Variants in KDM6A observed in about 807,000 individuals in gnomAD.
KDM6A encodes lysine-specific demethylase 6A.
A neutral mutation model predicts 117.6 loss-of-function variants in KDM6A; 11 were observed. That is an observed-to-expected ratio of 0.09 (90% CI 0.06 to 0.15). KDM6A has a LOEUF of 0.15. Among genes scored for constraint, KDM6A ranks in the 10% least tolerant of loss-of-function variants. The pLI is 1.00. For missense variants in KDM6A, 799 were observed against 1,077.3 expected (o/e 0.74, Z 3.62); for synonymous variants, 384 against 396.1 (o/e 0.97, Z 0.36).
At chrX:44,997,253 G>T (rs1280465711) in intron 4 of KDM6A, among the ~76,000 whole-genome samples, 2 of 112,264 alleles carry the variant, frequency 1.8e-5, no homozygotes, top group Admixed American at 9.4e-5. Context: ...TGGGCTTGGA[G>T]AATTAGTGTA....
chrX:44,923,483 G>A (rs1201771094), intron 2 of KDM6A, among the ~76,000 whole-genome samples: 4 of 96,878 alleles, frequency 4.1e-5, no homozygotes, highest in Admixed American at 1.2e-4. Flanking sequence ...TTTGTATTGC[G>A]ATGTCTTCAA....
At chrX:45,030,188 G>C (rs1212795074) in intron 6 of KDM6A, among the ~76,000 whole-genome samples, 2 of 109,838 alleles carry the variant, frequency 1.8e-5, no homozygotes, top group African/African-American at 6.6e-5. Flanking sequence ...GGAGGTACCT[G>C]AGGGATATCA....
intron 2 of KDM6A, among the ~76,000 whole-genome samples, chrX:44,926,930 C>T (rs1391305933): frequency 9.0e-6 from 1 of 111,275 alleles, no homozygotes; most frequent in Admixed American, 9.6e-5. Flanking sequence ...AATTGTGTCT[C>T]GGTTTCCCAG....
chrX:44,897,143 T>C (rs758387345), intron 2 of KDM6A, among the ~76,000 whole-genome samples: 2 of 108,754 alleles, frequency 1.8e-5, no homozygotes, highest in African/African-American at 6.6e-5. Flanking sequence ...TTGTTCTTTT[T>C]TTTTTTTTTT....
chrX:44,886,789 C>T (rs899258114), intron 2 of KDM6A, among the ~76,000 whole-genome samples: 1 of 110,551 alleles, frequency 9.0e-6, no homozygotes, highest in Admixed American at 9.8e-5. Flanking sequence ...CCGCGCCCGG[C>T]CTACTTACTA....
At chrX:44,996,339 C>T (rs921005059) in intron 4 of KDM6A, among the ~76,000 whole-genome samples, 4 of 109,588 alleles carry the variant, frequency 3.7e-5, no homozygotes, top group South Asian at 4.0e-4. Flanking sequence ...CCTCCCAAAG[C>T]GGTGGGATTA....
intron 4 of KDM6A, among the ~76,000 whole-genome samples, chrX:44,987,472 C>A (rs1170713039): frequency 9.0e-6 from 1 of 111,389 alleles, no homozygotes; most frequent in Non-Finnish European, 1.9e-5. Context: ...GGTTATTTTG[C>A]TCATTAGTTG....
intron 21 of KDM6A, 24 bp downstream of exon 21, chrX:45,079,375 T>A (rs762952727): frequency 1.9e-6 from 2 of 1,077,048 alleles, no homozygotes; most frequent in South Asian, 3.8e-5. Flanking sequence ...TCCTAAAGAT[T>A]ATTTTAGGAT....
chrX:44,968,689 A>G (rs2039156924), intron 3 of KDM6A, among the ~76,000 whole-genome samples: 1 of 112,224 alleles, frequency 8.9e-6, no homozygotes, highest in Non-Finnish European at 1.9e-5. Context: ...ATCAGGTAGC[A>G]GCTGGGCACA....
At chrX:44,995,465 T>C (rs747616897) in intron 4 of KDM6A, among the ~76,000 whole-genome samples, 2 of 110,308 alleles carry the variant, frequency 1.8e-5, no homozygotes, top group Admixed American at 9.7e-5. Context: ...GGATACTATT[T>C]ATTTATTTTT....
At chrX:44,955,934 A>T (rs2147132864) in intron 2 of KDM6A, among the ~76,000 whole-genome samples, 1 of 111,621 alleles carries the variant, frequency 9.0e-6, no homozygotes, top group East Asian at 2.8e-4. Context: ...TGTAACTCCC[A>T]CTAAAATAGC....
At chrX:45,005,537 C>T (rs949761253) in intron 4 of KDM6A, among the ~76,000 whole-genome samples, 5 of 111,710 alleles carry the variant, frequency 4.5e-5, no homozygotes, top group African/African-American at 6.5e-5. Context: ...CTCATTCGAT[C>T]TAAACTTTGG....
chrX:44,955,602 A>T (rs1324741944), intron 2 of KDM6A, among the ~76,000 whole-genome samples: 1 of 111,389 alleles, frequency 9.0e-6, no homozygotes, highest in Non-Finnish European at 1.9e-5. Flanking sequence ...TCATCTTGTA[A>T]AACTGAAACT....
intron 4 of KDM6A, among the ~76,000 whole-genome samples, chrX:44,998,762 A>G (rs1469614959): frequency 8.9e-6 from 1 of 111,748 alleles, no homozygotes; most frequent in Non-Finnish European, 1.9e-5. Flanking sequence ...TTATTTGTTA[A>G]TATCCTAGCA....
chrX:45,078,330 A>C, intron 19 of KDM6A, 70 bp from the exon 20 acceptor site: 4 of 991,932 alleles, frequency 4.0e-6, no homozygotes, highest in Non-Finnish European at 5.6e-6. Flanking sequence ...AATGAATATT[A>C]ATTTGGAGCA....
At chrX:44,884,762 G>A (rs964780802) in intron 2 of KDM6A, among the ~76,000 whole-genome samples, 2 of 111,553 alleles carry the variant, frequency 1.8e-5, no homozygotes, top group African/African-American at 6.5e-5. Context: ...CTTTGACTTT[G>A]TATCTGACAA....
intron 4 of KDM6A, among the ~76,000 whole-genome samples, chrX:44,998,828 G>T (rs192721090): frequency 9.0e-6 from 1 of 111,701 alleles, no homozygotes; most frequent in African/African-American, 3.3e-5. Flanking sequence ...CTTGGTGGTG[G>T]CTACAGTCAA....
intron 4 of KDM6A, among the ~76,000 whole-genome samples, chrX:44,999,338 A>G (rs1304613916): frequency 8.9e-6 from 1 of 111,898 alleles, no homozygotes; most frequent in Non-Finnish European, 1.9e-5. Context: ...CCCTTGACAC[A>G]CGTGGCCGCC....
At chrX:44,995,542 G>T (rs773761144) in intron 4 of KDM6A, among the ~76,000 whole-genome samples, 41 of 110,488 alleles carry the variant, frequency 3.7e-4, no homozygotes, top group South Asian at 1.2e-3. Flanking sequence ...TGCGATCTTG[G>T]CTCACTGCAG....
Sources: allele counts gnomAD v4.1 joint callset (sites outside exome capture counted in the v4.1 genomes callset), GRCh38; gene constraint gnomAD v4.1.1; transcripts MANE v1.5; gene names NCBI Gene and HGNC (gene_info 2026-07-23, HGNC 2026-07-21).